GABBR2: variants seen among roughly 807,000 people sequenced by gnomAD.
GABBR2 encodes G-protein coupled receptor 51.
Under a neutral mutation model 105.6 loss-of-function variants are expected in GABBR2, and 23 were observed. The observed-to-expected ratio is 0.22, with a 90% CI of 0.16 to 0.31. GABBR2 has a LOEUF of 0.31. GABBR2 is among the 10% of genes least tolerant of loss of function. The pLI, the probability that GABBR2 is intolerant of heterozygous loss-of-function variation, is 1.00. For missense variants in GABBR2, 734 were observed against 1,245.5 expected, an observed-to-expected ratio of 0.59 and a Z score of 6.18; for synonymous variants, 478 against 499.7, an observed-to-expected ratio of 0.96 and a Z score of 0.58.
intron 1 of GABBR2, among the ~76,000 whole-genome samples, chr9:98,594,432 C>T (rs1042911291): frequency 3.3e-5 from 5 of 152,164 alleles, no homozygotes; most frequent in African/African-American, 1.2e-4. Flanking sequence ...GGGGTTTCAG[C>T]TTGGAACCTT....
chr9:98,462,130 T>C (rs1826434837), intron 6 of GABBR2, among the ~76,000 whole-genome samples: 1 of 152,240 alleles, frequency 6.6e-6, no homozygotes, highest in Admixed American at 6.5e-5. Flanking sequence ...ATACTGCTTC[T>C]GCCTAGTCTC....
chr9:98,654,654 GC>G (rs368837838), intron 1 of GABBR2, among the ~76,000 whole-genome samples: 175 of 152,324 alleles, frequency 1.1e-3, no homozygotes, highest in African/African-American at 4.0e-3. Flanking sequence ...AATTCAGAAG[GC>G]CTAGACAAGG....
intron 7 of GABBR2, among the ~76,000 whole-genome samples, chr9:98,413,241 C>T (rs1832620993): frequency 6.6e-6 from 1 of 152,156 alleles, no homozygotes. Context: ...CCCAGGACAG[C>T]ACTGGTCTCA....
chr9:98,636,629 G>A (rs1324282504), intron 1 of GABBR2, among the ~76,000 whole-genome samples: 2 of 151,452 alleles, frequency 1.3e-5, no homozygotes, highest in African/African-American at 2.4e-5. Flanking sequence ...AAGTAGCTGG[G>A]ACTACAGATG....
At chr9:98,617,085 T>C (rs1448622051) in intron 1 of GABBR2, among the ~76,000 whole-genome samples, 2 of 152,184 alleles carry the variant, frequency 1.3e-5, no homozygotes, top group Non-Finnish European at 2.9e-5. Context: ...GACCTAGAAT[T>C]TTCCTGGGTC....
chr9:98,528,074 TA>T (rs1033958919), intron 3 of GABBR2, among the ~76,000 whole-genome samples: 6 of 152,170 alleles, frequency 3.9e-5, no homozygotes, highest in African/African-American at 1.4e-4. Flanking sequence ...TTATTAAAAT[TA>T]ATGTTACCTG....
intron 2 of GABBR2, among the ~76,000 whole-genome samples, chr9:98,561,507 CAGG>C (rs1828673547): frequency 6.6e-6 from 1 of 151,410 alleles, no homozygotes; most frequent in South Asian, 2.1e-4. Context: ...CAGAAAGAAG[CAGG>C]AGGAGGAGAA....
chr9:98,583,658 T>C (rs1009649121), intron 1 of GABBR2, among the ~76,000 whole-genome samples: 2 of 152,224 alleles, frequency 1.3e-5, no homozygotes, highest in Non-Finnish European at 2.9e-5. Flanking sequence ...CACTCCAAGT[T>C]AATCCACTGT....
intron 8 of GABBR2, 48 bp from the exon 9 acceptor site, chr9:98,394,303 G>T (rs753844911): frequency 1.5e-6 from 2 of 1,333,606 alleles, no homozygotes; most frequent in Non-Finnish European, 2.2e-6. Context: ...ATCTGGGTTT[G>T]TGTCTGGGTG....
intron 1 of GABBR2, among the ~76,000 whole-genome samples, chr9:98,655,796 T>C (rs531309761): frequency 6.6e-6 from 1 of 152,070 alleles, no homozygotes; most frequent in East Asian, 1.9e-4. Flanking sequence ...TGAGAACACA[T>C]GGACACAGGG....
intron 9 of GABBR2, among the ~76,000 whole-genome samples, chr9:98,392,781 A>G (rs1301811813): frequency 6.6e-6 from 1 of 152,150 alleles, no homozygotes; most frequent in Non-Finnish European, 1.5e-5. Context: ...AAGTGACTAG[A>G]CTGTCTGTTT....
intron 13 of GABBR2, among the ~76,000 whole-genome samples, chr9:98,339,840 A>G (rs1831178719): frequency 6.6e-6 from 1 of 152,236 alleles, no homozygotes. Flanking sequence ...TTTGTACAGC[A>G]ACCAAAAGCC....
chr9:98,437,970 A>G (rs1825957210), intron 7 of GABBR2, among the ~76,000 whole-genome samples: 1 of 151,156 alleles, frequency 6.6e-6, no homozygotes, highest in South Asian at 2.1e-4. Context: ...TCACCCATGC[A>G]TCCATCTACC....
chr9:98,587,121 T>C (rs59505615), intron 1 of GABBR2, among the ~76,000 whole-genome samples: 2,286 of 152,330 alleles, frequency 0.015, 56 homozygotes, highest in African/African-American at 0.052. Flanking sequence ...TGATATCACA[T>C]TTCAATTTGT....
intron 16 of GABBR2, 96 bp downstream of exon 16, chr9:98,303,145 G>T (rs1830495717): frequency 1.1e-6 from 1 of 941,122 alleles, no homozygotes; most frequent in Non-Finnish European, 1.6e-6. Context: ...CGGTCATGCT[G>T]CAGGGATGGT....
At chr9:98,377,848 C>G (rs1831905395) in intron 11 of GABBR2, among the ~76,000 whole-genome samples, 1 of 152,160 alleles carries the variant, frequency 6.6e-6, no homozygotes, top group Non-Finnish European at 1.5e-5. Flanking sequence ...CCCAATCAGG[C>G]CCTGTGACAG....
intron 3 of GABBR2, among the ~76,000 whole-genome samples, chr9:98,496,907 G>A (rs983197011): frequency 1.3e-5 from 2 of 152,110 alleles, no homozygotes; most frequent in Admixed American, 1.3e-4. Context: ...TTTATGGTGA[G>A]GAAATAGCTA....
rs10611275 is a variant in GABBR2, at chr9:98,618,486, A to ATCTCTCTCTC, written c.322-40424_322-40415dup. Among the ~76,000 whole-genome samples, 807 of 145,162 alleles carry ATCTCTCTCTC rather than the reference A, an allele frequency of 5.6e-3. 5 individuals are homozygous for ATCTCTCTCTC. The highest frequency in any genetic ancestry group is 9.4e-3 in the African/African-American group (363 of 38,616). ...CAAAGGAAAAAAAAAGGTCTGCTGC[A>ATCTCTCTCTC]TCTCTCTCTCTCTCTCTCTCTCTCT... is the stretch of plus-strand genomic sequence containing the variant. On this transcript the variant is annotated intron_variant, in intron 1 of 18. Coordinates refer to ENST00000259455, the MANE Select transcript of GABBR2 (RefSeq NM_005458.8).
At chr9:98,505,282 T>G (rs1241976758) in intron 3 of GABBR2, among the ~76,000 whole-genome samples, 2 of 152,238 alleles carry the variant, frequency 1.3e-5, no homozygotes, top group Admixed American at 1.3e-4. Context: ...AAGTTCGCTC[T>G]TAATCATCTG....
Sources: allele counts gnomAD v4.1 joint callset (sites outside exome capture counted in the v4.1 genomes callset), GRCh38; gene constraint gnomAD v4.1.1; transcripts MANE v1.5; gene names NCBI Gene and HGNC (gene_info 2026-07-23, HGNC 2026-07-21).